Variants in VPS53 observed in about 807,000 individuals in gnomAD.
VPS53 encodes the protein VPS53 subunit of GARP complex, also known as vacuolar protein sorting-associated protein 53 homolog.
In VPS53, 70 loss-of-function variants were observed where a neutral mutation model predicts 107.0. The ratio of observed to expected loss-of-function variants is 0.65; its 90% CI spans 0.54 to 0.80. VPS53 has a LOEUF of 0.80. Among genes scored for constraint, VPS53 ranks in the 30% least tolerant of loss-of-function variants. The probability of loss-of-function intolerance (pLI) is 0.00; values close to 1 mark genes in which losing one functional copy is unlikely to be tolerated. For missense variants in VPS53, 917 were observed against 1,049.4 expected (o/e 0.87, Z 1.74); for synonymous variants, 409 against 393.3 (o/e 1.04, Z -0.47).
At chr17:619,151 T>A (rs1219808157) in intron 11 of VPS53, among the ~76,000 whole-genome samples, 1 of 140,278 alleles carries the variant, frequency 7.1e-6, no homozygotes, top group Non-Finnish European at 1.5e-5. Flanking sequence ...CTGCTAATAT[T>A]TCCCAGGTAG....
chr17:714,556 C>T (rs1973776112), intron 1 of VPS53, 67 bp downstream of exon 1: 9 of 1,506,408 alleles, frequency 6.0e-6, no homozygotes, highest in South Asian at 1.2e-5. Context: ...GCGGCCTCCC[C>T]AGCGCCCGGA....
At chr17:643,454 C>T (rs1970536243) in intron 7 of VPS53, among the ~76,000 whole-genome samples, 1 of 150,436 alleles carries the variant, frequency 6.6e-6, no homozygotes, top group Non-Finnish European at 1.5e-5. Context: ...GAGGACAACA[C>T]TCATACTTGG....
At position 508,799 on chromosome 17, in the gene VPS53, C is replaced by G. The variant is rs1907751537; in HGVS notation, c.*10329G>C. The G allele has an allele frequency of 6.6e-6, 1 of 152,170 alleles. No homozygotes were observed. The highest frequency in any genetic ancestry group is 2.4e-5 in the African/African-American group (1 of 41,448). 9.4% of individuals were successfully genotyped at this position (152,170 alleles called of 1,614,324 possible). ...CAAGATTTCTCTATTCTGTGCAACC[C>G]AGAAGTAAACTGGGGTTGATACACA... On this transcript the variant is annotated 3_prime_UTR_variant, in exon 22 of 22. Coordinates refer to ENST00000437048, the MANE Select transcript of VPS53 (RefSeq NM_001128159.3).
rs746138756 is a variant in VPS53 at position 623,545 on chromosome 17, G to A, written c.1104C>T (p.Thr368=). The change falls in exon 11 of 22, where the codon ACC becomes ACT. Residue 368 remains threonine, a synonymous_variant. Transcript: ENST00000437048. ...LAKRFSGCTL[T]DGTLKKLESP... ...GGGAAGGTCTTACCAGGGTCCCATC[G>A]GTCAGGGTGCAGCCGGAGAAGCGTT... The A allele has an allele frequency of 8.7e-6, 14 of 1,612,260 alleles. 1 individual carries two copies. The highest frequency in any genetic ancestry group is 2.2e-5 in the South Asian group (2 of 90,912).
At chr17:617,166 G>A (rs1231401811) in intron 11 of VPS53, among the ~76,000 whole-genome samples, 2 of 152,192 alleles carry the variant, frequency 1.3e-5, no homozygotes, top group South Asian at 2.1e-4. Context: ...AGCTCAGGGG[G>A]CTACTCCCAG....
intron 17 of VPS53, chr17:538,407 A>G (rs1385569852): frequency 6.6e-6 from 1 of 152,274 alleles, no homozygotes; most frequent in Non-Finnish European, 1.5e-5. Context: ...GCCAAACACA[A>G]ACCATATAAT....
chr17:678,990 G>A (rs1972279524), intron 4 of VPS53, among the ~76,000 whole-genome samples: 1 of 152,064 alleles, frequency 6.6e-6, no homozygotes, highest in Non-Finnish European at 1.5e-5. Context: ...GTGGCATTCA[G>A]AGAAAAGCCG....
intron 12 of VPS53, among the ~76,000 whole-genome samples, chr17:599,414 T>A (rs1401725912): frequency 2.0e-5 from 3 of 151,978 alleles, no homozygotes; most frequent in Admixed American, 1.3e-4. Context: ...CTAAGAAAAC[T>A]TCTTCTGCCT....
Position 537,187 on chromosome 17 carries a change from G to C in VPS53, c.1867-11C>G. 1 of 1,613,948 alleles carries C rather than the reference G, an allele frequency of 6.2e-7. No individual in the cohort carries two copies. The highest frequency in any genetic ancestry group is 1.1e-5 in the South Asian group (1 of 91,064). On this transcript the variant is annotated splice_polypyrimidine_tract_variant and intron_variant, in intron 17 of 21. Transcript: ENST00000437048. ...GTTCTGCCACTGCATCTGAAAGGGA[G>C]AAAGGATGAGGCGTTGAATCCCTCG...
chr17:520,751 C>T lies in VPS53; in HGVS notation c.2224-821G>A, dbSNP rs1908676380. ...CCAGCAGTAAGCAGCAGGGAAAGAA[C>T]ATGATGAGGCAGCTTCACCCTCACC... On this transcript the variant is annotated intron_variant, in intron 20 of 21. Coordinates refer to ENST00000437048, the MANE Select transcript of VPS53 (RefSeq NM_001128159.3). This position sits in a 1 kb window ranked among gnomAD's most constrained non-coding sequence, Gnocchi z 4.4. 6.9e-6 allele frequency among the ~76,000 whole-genome samples: 1 copy of T among 144,532 alleles called. No individual in the cohort carries two copies. Among genetic ancestry groups the T allele is most frequent in the African/African-American group, 2.5e-5 (1 of 40,594 alleles). The allele number at this position is 144,532 out of a possible 152,430, so 94.8% of individuals were successfully genotyped here.
chr17:528,307 G>C (rs1474706178), intron 19 of VPS53, among the ~76,000 whole-genome samples: 1 of 152,132 alleles, frequency 6.6e-6, no homozygotes, highest in Non-Finnish European at 1.5e-5. Flanking sequence ...CTGTTTTACG[G>C]ATTTGCCTGT....
intron 2 of VPS53, among the ~76,000 whole-genome samples, chr17:707,817 C>G (rs1392453494): frequency 4.0e-5 from 6 of 148,394 alleles, no homozygotes; most frequent in Non-Finnish European, 7.4e-5. Context: ...TGCACTCCAA[C>G]CTGGGCAACA....
chr17:566,809 T>C (rs1913563868), intron 13 of VPS53, among the ~76,000 whole-genome samples: 1 of 152,034 alleles, frequency 6.6e-6, no homozygotes, highest in Non-Finnish European at 1.5e-5. Context: ...AGTGGTTTGA[T>C]CTCAGCTCAC....
At chr17:686,326 G>GA (rs893284896) in intron 4 of VPS53, among the ~76,000 whole-genome samples, 22 of 149,832 alleles carry the variant, frequency 1.5e-4, no homozygotes, top group African/African-American at 4.4e-4. Context: ...TCTCTAAGAA[G>GA]AAAAAAAAGA....
At chr17:686,489 T>C (rs1972590103) in intron 4 of VPS53, among the ~76,000 whole-genome samples, 1 of 152,198 alleles carries the variant, frequency 6.6e-6, no homozygotes, top group South Asian at 2.1e-4. Flanking sequence ...AAACATCTAA[T>C]GGAGGTCTTG....
chr17:532,285 GT>G (rs1909649376), intron 19 of VPS53: 3 of 147,132 alleles, frequency 2.0e-5, no homozygotes, highest in Non-Finnish European at 3.0e-5. Context: ...TTGTTTGTTT[GT>G]TTTTTTGAGA....
intron 11 of VPS53, among the ~76,000 whole-genome samples, chr17:609,911 C>T (rs1290672517): frequency 6.6e-6 from 1 of 151,944 alleles, no homozygotes; most frequent in Non-Finnish European, 1.5e-5. Flanking sequence ...GGGCGGATCA[C>T]GAGGTCAGGA....
chr17:656,700 ATG>A (rs34123743), intron 5 of VPS53: 113,692 of 549,394 alleles, frequency 0.21, 6,313 homozygotes, highest in East Asian at 0.3. Flanking sequence ...TGACTAAGAA[ATG>A]TGTGTGTGTG....
intron 9 of VPS53, among the ~76,000 whole-genome samples, chr17:627,844 G>A (rs1020113119): frequency 6.6e-6 from 1 of 152,142 alleles, no homozygotes; most frequent in African/African-American, 2.4e-5. Context: ...GCCTTCAGGG[G>A]TCTATACATT....
Sources: gnomAD v4.1 joint callset for allele counts (sites outside exome capture counted in the v4.1 genomes callset) on GRCh38, gnomAD v4.1.1 for gene constraint, Gnocchi (gnomAD v3.1) non-coding constraint, MANE v1.5 for transcripts, NCBI Gene and HGNC (gene_info 2026-07-23, HGNC 2026-07-21) for gene names.